The following SEMA3C variants were observed in gnomAD, a reference collection of about 807,000 sequenced individuals.
SEMA3C encodes the protein semaphorin 3C.
Under a neutral mutation model 89.4 loss-of-function variants are expected in SEMA3C, and 47 were observed. That is an observed-to-expected ratio of 0.53 (90% CI 0.42 to 0.67). SEMA3C has a LOEUF of 0.67. Among genes scored for constraint, SEMA3C ranks in the 30% least tolerant of loss-of-function variants. SEMA3C has a pLI of 0.00. For synonymous variants in SEMA3C, 310 were observed against 320.2 expected (o/e 0.97, Z 0.34); for missense variants, 839 against 929.1 (o/e 0.90, Z 1.26).
In SEMA3C at chr7:80,910,744, A is replaced by C. The variant is rs544392534; in HGVS notation, c.103+5935T>G. ...AGTGATAGTTTTTTTATTTAAAATAAGTTATTTTTTACAACCTCCTTATAT... is the reference window on the plus strand; with the variant it reads ...AGTGATAGTTTTTTTATTTAAAATACGTTATTTTTTACAACCTCCTTATAT... On this transcript the variant is annotated intron_variant, in intron 2 of 17. Transcript: ENST00000265361. 1.5e-3 allele frequency among the ~76,000 whole-genome samples: 230 copies of C among 151,558 alleles called. 1 individual carries two copies. Among genetic ancestry groups the C allele is most frequent in the African/African-American group, 5.2e-3 (216 of 41,304 alleles).
chr7:80,901,985 C>T (rs745584618), intron 2 of SEMA3C, among the ~76,000 whole-genome samples: 8 of 152,242 alleles, frequency 5.3e-5, no homozygotes, highest in African/African-American at 9.6e-5. Context: ...GAGACTGTCT[C>T]GCTGTCACCC....
rs146671063 is a variant in SEMA3C at position 80,810,656 on chromosome 7, G to A, written c.493C>T (p.Arg165Cys). Residue 165 changes from arginine (R) to cysteine (C), a missense_variant, in exon 6 of 18, where the codon CGC becomes TGC. By Grantham distance (180) the Arg-to-Cys change is radical (BLOSUM62 -3). Coordinates refer to ENST00000265361, the MANE Select transcript of SEMA3C (RefSeq NM_006379.5). ...IDSKCESGKG[R>C]CSFNPNVNTV... ...TTCACGTTGGGGTTGAAAGAGCAGC[G>A]TCCTTTTCCAGATTCACACTTGGAG... is the stretch of plus-strand genomic sequence containing the variant. The A allele has an allele frequency of 4.0e-4, 642 of 1,613,718 alleles. No individual in the cohort carries two copies. Among genetic ancestry groups the A allele is most frequent in the Non-Finnish European group, 5.1e-4 (598 of 1,179,730 alleles).
intron 2 of SEMA3C, among the ~76,000 whole-genome samples, chr7:80,846,398 C>T (rs945442382): frequency 1.3e-5 from 2 of 152,084 alleles, no homozygotes; most frequent in Admixed American, 6.6e-5. Context: ...ACTCTGTCAC[C>T]CAGGCTGGAA....
chr7:80,908,442 A>G (rs1270739324), intron 2 of SEMA3C, among the ~76,000 whole-genome samples: 1 of 152,184 alleles, frequency 6.6e-6, no homozygotes, highest in Non-Finnish European at 1.5e-5. Context: ...GAAGCACATA[A>G]TTAAAGACTA....
chr7:80,816,718 G>A (rs529403520), intron 5 of SEMA3C, among the ~76,000 whole-genome samples: 9 of 152,256 alleles, frequency 5.9e-5, no homozygotes, highest in East Asian at 3.9e-4. Flanking sequence ...AGATGTTCAC[G>A]TATTATTTCA....
At chr7:80,861,323 G>T (rs1790765949) in intron 2 of SEMA3C, among the ~76,000 whole-genome samples, 1 of 152,008 alleles carries the variant, frequency 6.6e-6, no homozygotes, top group Non-Finnish European at 1.5e-5. Context: ...ATTACAAAAT[G>T]ATTCAGTTAT....
chr7:80,809,974 A>C (rs1303411821), intron 6 of SEMA3C, among the ~76,000 whole-genome samples: 1 of 152,098 alleles, frequency 6.6e-6, no homozygotes, highest in Non-Finnish European at 1.5e-5. Flanking sequence ...GAGGGGCAAA[A>C]AAAAAGATGT....
At chr7:80,842,285 G>A (rs895203639) in intron 2 of SEMA3C, among the ~76,000 whole-genome samples, 7 of 152,082 alleles carry the variant, frequency 4.6e-5, no homozygotes, top group Admixed American at 1.3e-4. Flanking sequence ...GCTAGACTGC[G>A]AAACCATTTG....
chr7:80,881,893 T>C (rs1791350014), intron 2 of SEMA3C, among the ~76,000 whole-genome samples: 1 of 152,174 alleles, frequency 6.6e-6, no homozygotes, highest in Non-Finnish European at 1.5e-5. Context: ...TATCCACGTA[T>C]GGATACAAGT....
intron 2 of SEMA3C, among the ~76,000 whole-genome samples, chr7:80,888,450 G>C (rs187531628): frequency 6.6e-6 from 1 of 152,066 alleles, no homozygotes; most frequent in East Asian, 1.9e-4. Flanking sequence ...GGTGATGGGA[G>C]TGAGACCCTG....
chr7:80,808,936 G>A (rs1022884936), intron 6 of SEMA3C, among the ~76,000 whole-genome samples: 7 of 151,914 alleles, frequency 4.6e-5, no homozygotes, highest in South Asian at 2.1e-4. Context: ...CACCACGCCC[G>A]GCTCATTTTT....
intron 12 of SEMA3C, among the ~76,000 whole-genome samples, chr7:80,782,892 A>T (rs7458074): frequency 0.13 from 19,391 of 152,192 alleles, 1,335 homozygotes; most frequent in East Asian, 0.25. Context: ...ACTGCAGATA[A>T]ATTTAATTAG....
chr7:80,804,264 A>G lies in SEMA3C; in HGVS notation c.659-16T>C. 6.3e-7 allele frequency: 1 copy of G among 1,574,968 alleles called. No homozygotes were observed. Among genetic ancestry groups the G allele is most frequent in the Non-Finnish European group, 8.6e-7 (1 of 1,159,282 alleles). On this transcript the variant is annotated splice_polypyrimidine_tract_variant and intron_variant, in intron 7 of 17. Coordinates refer to ENST00000265361, the MANE Select transcript of SEMA3C (RefSeq NM_006379.5). ...AACATAGGTTCTAGAAAAAAAGGTAAAAGACTAGGTATATATTCATTATGA... is the reference window on the plus strand; with the variant it reads ...AACATAGGTTCTAGAAAAAAAGGTAGAAGACTAGGTATATATTCATTATGA...
chr7:80,751,252 T>C lies in SEMA3C; in HGVS notation c.1711+17A>G, dbSNP rs1028672972. 1.9e-6 allele frequency: 3 copies of C among 1,604,560 alleles called. No homozygotes were observed. Among genetic ancestry groups the C allele is most frequent in the African/African-American group, 2.7e-5 (2 of 74,798 alleles). On this transcript the variant is annotated intron_variant, in intron 16 of 17. Transcript: ENST00000265361. ...TGCTACTGTTCACTGAGATTGGCCA[T>C]TGCTCACTTTTAATACCTTTTAGAT...
At chr7:80,755,195 T>C (rs1367750933) in intron 15 of SEMA3C, among the ~76,000 whole-genome samples, 1 of 151,714 alleles carries the variant, frequency 6.6e-6, no homozygotes, top group Non-Finnish European at 1.5e-5. Flanking sequence ...AACTGCATGA[T>C]AGACTCATTT....
chr7:80,782,564 G>C (rs1788714498), intron 12 of SEMA3C, among the ~76,000 whole-genome samples: 1 of 152,156 alleles, frequency 6.6e-6, no homozygotes, highest in Non-Finnish European at 1.5e-5. Flanking sequence ...GAGAATAAAT[G>C]CTCAATATAT....
In SEMA3C at chr7:80,798,211, AC is replaced by A; in HGVS notation, c.1011del (p.Cys338ValfsTer26). The A allele has an allele frequency of 1.9e-6, 3 of 1,539,716 alleles. No homozygotes were observed. The highest frequency in any genetic ancestry group is 2.6e-6 in the Non-Finnish European group (3 of 1,147,520). ...TSSSVFKGSA[V>X]CVYHLSDIQT... ...TGTATATCAGATAAATGATACACAC[AC>A]ACGGCTGATCCTTTGAAAACTGAGC... On this transcript the variant is annotated frameshift_variant, in exon 11 of 18. Coordinates refer to ENST00000265361, the MANE Select transcript of SEMA3C (RefSeq NM_006379.5). LOFTEE classifies it high-confidence loss of function.
intron 13 of SEMA3C, among the ~76,000 whole-genome samples, chr7:80,763,357 AC>A (rs1267233795): frequency 2.0e-5 from 3 of 152,180 alleles, no homozygotes; most frequent in African/African-American, 7.2e-5. Flanking sequence ...GAAATGTGAC[AC>A]AAACACCATG....
At chr7:80,808,667 T>C (rs1368213056) in intron 6 of SEMA3C, among the ~76,000 whole-genome samples, 1 of 152,130 alleles carries the variant, frequency 6.6e-6, no homozygotes, top group Non-Finnish European at 1.5e-5. Context: ...ACCTGTTCTA[T>C]GGTTGAAAGA....
Sources: allele counts gnomAD v4.1 joint callset (sites outside exome capture counted in the v4.1 genomes callset), GRCh38; gene constraint gnomAD v4.1.1; transcripts MANE v1.5; gene names NCBI Gene and HGNC (gene_info 2026-07-23, HGNC 2026-07-21).